NRG2: variants seen among roughly 807,000 people sequenced by gnomAD.
NRG2 encodes the protein neuregulin 2.
A neutral mutation model predicts 73.9 loss-of-function variants in NRG2; 27 were observed. The observed-to-expected ratio is 0.37, with a 90% CI of 0.27 to 0.50. The LOEUF (loss-of-function observed/expected upper bound fraction) is 0.50, where lower values mean the gene tolerates loss of function less well. Among genes scored for constraint, NRG2 ranks in the 20% least tolerant of loss-of-function variants. The probability of loss-of-function intolerance (pLI) is 0.96; values close to 1 mark genes in which losing one functional copy is unlikely to be tolerated. For missense variants in NRG2, 1,126 were observed against 1,210.1 expected, an observed-to-expected ratio of 0.93 and a Z score of 1.03; for synonymous variants, 532 against 541.0, an observed-to-expected ratio of 0.98 and a Z score of 0.23.
chr5:139,944,416 C>CT (rs1242994515), intron 1 of NRG2, among the ~76,000 whole-genome samples: 1 of 152,180 alleles, frequency 6.6e-6, no homozygotes, highest in Non-Finnish European at 1.5e-5. Context: ...CTTCCCTATA[C>CT]TCTTCCCAGC....
Position 139,887,636 on chromosome 5 carries a change from C to T in NRG2, c.701-125G>A. The T allele has an allele frequency of 1.3e-6, 1 of 746,786 alleles. No homozygotes were observed. The highest frequency in any genetic ancestry group is 2.2e-6 in the Non-Finnish European group (1 of 448,344). 46.3% of individuals were successfully genotyped at this position (746,786 alleles called of 1,614,324 possible). A position where few individuals can be genotyped will look rare whatever the true frequency, so the allele number is the denominator to read the frequency against. ...GGGAAGGGAAGGGTGATCCTGAGAG[C>T]CACCCCTCCTAGTGTCATTTCCTAG... On this transcript the variant is annotated intron_variant, in intron 1 of 9. Coordinates refer to ENST00000361474, the MANE Select transcript of NRG2 (RefSeq NM_004883.3). This position sits in a 1 kb window ranked among gnomAD's most constrained non-coding sequence, Gnocchi z 4.5.
chr5:139,881,906 G>T (rs1209722325), intron 2 of NRG2, among the ~76,000 whole-genome samples: 1 of 152,136 alleles, frequency 6.6e-6, no homozygotes, highest in African/African-American at 2.4e-5. Context: ...GAGTTTCCCT[G>T]CACCTACCCC....
chr5:139,961,352 C>T (rs1755045506), intron 1 of NRG2, among the ~76,000 whole-genome samples: 1 of 144,034 alleles, frequency 6.9e-6, no homozygotes, highest in Non-Finnish European at 1.5e-5. Flanking sequence ...TGCCCCTCAC[C>T]CCCATCCCTG....
At chr5:140,029,565 G>A (rs1010624742) in intron 1 of NRG2, among the ~76,000 whole-genome samples, 10 of 151,672 alleles carry the variant, frequency 6.6e-5, no homozygotes, top group Middle Eastern at 3.2e-3. Flanking sequence ...GTAAGGACTC[G>A]CCTTTAAAAG....
rs773872580 is a variant in NRG2, at chr5:139,855,704, C to G, written c.1264G>C (p.Val422Leu). The G allele has an allele frequency of 6.8e-6, 11 of 1,614,050 alleles. No individual in the cohort carries two copies. Among genetic ancestry groups the G allele is most frequent in the Middle Eastern group, 1.6e-4 (1 of 6,062 alleles). ...ICVALLVVGIVCVVAYCKTKK... is the reference protein window; with the variant it reads ...ICVALLVVGILCVVAYCKTKK... The stretch of plus-strand genomic sequence containing the variant: ...GTCTTGCAGTAGGCCACCACACAGA[C>G]GATGCCCACGACCAGCAGAGCCACG... Residue 422 changes from valine to leucine, a missense_variant, in exon 6 of 10, where the codon GTC (valine) becomes CTC (leucine). This residue lies in a region of NRG2 where 539 missense variants were observed against 703.2 expected (regional missense o/e 0.77). Coordinates refer to ENST00000361474, the MANE Select transcript of NRG2 (RefSeq NM_004883.3).
intron 1 of NRG2, among the ~76,000 whole-genome samples, chr5:139,939,031 GAAGGAAGGAAGGAAGGGA>G (rs1174815351): frequency 1.3e-5 from 2 of 150,876 alleles, no homozygotes; most frequent in Non-Finnish European, 3.0e-5. Context: ...AGCAAGGAAA[GAAGGAAGGAAGGAAGGGA>G]AAGGAAGGAA....
intron 5 of NRG2, among the ~76,000 whole-genome samples, chr5:139,858,052 A>G (rs1761914534): frequency 6.6e-6 from 1 of 152,134 alleles, no homozygotes; most frequent in African/African-American, 2.4e-5. Flanking sequence ...TTTATTTACA[A>G]CCATAAAGCA....
intron 1 of NRG2, among the ~76,000 whole-genome samples, chr5:139,911,092 G>A (rs1765534889): frequency 6.6e-6 from 1 of 152,012 alleles, no homozygotes; most frequent in Admixed American, 6.5e-5. Flanking sequence ...GGCAGGCCTG[G>A]ACAGGGCTGG....
At chr5:140,033,462 G>GT (rs1761295012) in intron 1 of NRG2, among the ~76,000 whole-genome samples, 1 of 152,208 alleles carries the variant, frequency 6.6e-6, no homozygotes, top group South Asian at 2.1e-4. Flanking sequence ...GAGAAAAACA[G>GT]TATCTATCTT....
At chr5:139,948,764 T>A (rs1177422330) in intron 1 of NRG2, among the ~76,000 whole-genome samples, 1 of 152,210 alleles carries the variant, frequency 6.6e-6, no homozygotes, top group East Asian at 1.9e-4. Context: ...GTTAGCCCAG[T>A]TAGCAGGTTG....
chr5:139,890,172 A>G (rs3863189), intron 1 of NRG2, among the ~76,000 whole-genome samples: 4,106 of 152,282 alleles, frequency 0.027, 68 homozygotes, highest in Non-Finnish European at 0.041. Context: ...TTTGCCAATT[A>G]GCTAGGCAAA....
chr5:139,848,723 C>T lies in NRG2; in HGVS notation c.1773-26G>A, dbSNP rs773273568. 5.9e-6 allele frequency: 7 copies of T among 1,189,058 alleles called. No homozygotes were observed. In the Admixed American group the frequency reaches 1.8e-4, roughly 30 times the overall value. 73.7% of individuals were successfully genotyped at this position (1,189,058 alleles called of 1,614,324 possible). On this transcript the variant is annotated intron_variant, in intron 9 of 9. Coordinates refer to ENST00000361474, the MANE Select transcript of NRG2 (RefSeq NM_004883.3). ...CTGCGGGGAGAGGCAGAGGCATGGG[C>T]CAGGGCCAGGCCGGGCCGGCGCGGG...
chr5:139,917,669 AT>A (rs931731543), intron 1 of NRG2, among the ~76,000 whole-genome samples: 7 of 151,880 alleles, frequency 4.6e-5, no homozygotes, highest in Non-Finnish European at 7.4e-5. Flanking sequence ...TCCTTGACTC[AT>A]TTTTTCCCCA....
At chr5:140,002,577 G>A (rs932889818) in intron 1 of NRG2, among the ~76,000 whole-genome samples, 3 of 152,190 alleles carry the variant, frequency 2.0e-5, no homozygotes, top group Admixed American at 6.5e-5. Context: ...GGGCCAAGTC[G>A]GAGAAAGCAG....
chr5:139,901,036 C>A (rs1344377148), intron 1 of NRG2, among the ~76,000 whole-genome samples: 2 of 152,208 alleles, frequency 1.3e-5, no homozygotes, highest in Admixed American at 6.5e-5. Flanking sequence ...GGGGACTATA[C>A]CCTCTGTTTG....
intron 1 of NRG2, among the ~76,000 whole-genome samples, chr5:139,895,649 G>A (rs1764502483): frequency 6.6e-6 from 1 of 152,170 alleles, no homozygotes. Flanking sequence ...TAGCCTCTCT[G>A]GGCCTCAGTT....
At chr5:139,917,207 T>C (rs1242014747) in intron 1 of NRG2, among the ~76,000 whole-genome samples, 1 of 152,208 alleles carries the variant, frequency 6.6e-6, no homozygotes, top group Non-Finnish European at 1.5e-5. Context: ...AAGTGTACAA[T>C]TCAATGGTTT....
chr5:139,974,986 G>A (rs1580854131), intron 1 of NRG2, among the ~76,000 whole-genome samples: 1 of 152,270 alleles, frequency 6.6e-6, no homozygotes. Flanking sequence ...CCCCCTGTGT[G>A]GGCTAGCAGC....
chr5:139,974,886 G>T (rs1401014473), intron 1 of NRG2, among the ~76,000 whole-genome samples: 1 of 152,196 alleles, frequency 6.6e-6, no homozygotes, highest in Non-Finnish European at 1.5e-5. Context: ...AAACCCAGAG[G>T]GGGACAGGCC....
Sources: gnomAD v4.1 joint callset for allele counts (sites outside exome capture counted in the v4.1 genomes callset) on GRCh38, gnomAD v4.1.1 for gene constraint, gnomAD v4.1.1 regional missense constraint, Gnocchi (gnomAD v3.1) non-coding constraint, MANE v1.5 for transcripts, NCBI Gene and HGNC (gene_info 2026-07-23, HGNC 2026-07-21) for gene names.